The following XPO5 variants were observed in gnomAD, a reference collection of about 807,000 sequenced individuals.
XPO5 encodes the protein exportin-5.
Under a neutral mutation model 160.6 loss-of-function variants are expected in XPO5, and 46 were observed. The ratio of observed to expected loss-of-function variants is 0.29; its 90% confidence interval spans 0.23 to 0.37. XPO5 has a LOEUF of 0.37. XPO5 is among the 10% of genes least tolerant of loss of function. XPO5 has a pLI of 1.00. For missense variants in XPO5, 1,090 were observed against 1,463.9 expected (o/e 0.74, Z 4.17); for synonymous variants, 537 against 519.3 (o/e 1.03, Z -0.46).
At chr6:43,552,622 C>G (rs1096700) in intron 14 of XPO5, among the ~76,000 whole-genome samples, 132,748 of 152,266 alleles carry the variant, frequency 0.87, 58,108 homozygotes, top group African/African-American at 0.92. Flanking sequence ...CAAAGTGCTG[C>G]GATTACAGGC....
chr6:43,526,041 G>T, intron 27 of XPO5, 120 bp from the exon 28 acceptor site: 3 of 1,078,850 alleles, frequency 2.8e-6, no homozygotes, highest in Non-Finnish European at 2.7e-6. Context: ...TGGTGGCTAA[G>T]TAGTACTAGG....
At chr6:43,540,082 C>T (rs1011516235) in intron 20 of XPO5, among the ~76,000 whole-genome samples, 2 of 152,130 alleles carry the variant, frequency 1.3e-5, no homozygotes, top group Non-Finnish European at 2.9e-5. Flanking sequence ...ATGATGAAAC[C>T]CTGTCTCTAC....
At chr6:43,572,854 T>C (rs555762108) in intron 2 of XPO5, among the ~76,000 whole-genome samples, 2 of 152,354 alleles carry the variant, frequency 1.3e-5, no homozygotes, top group South Asian at 2.1e-4. Context: ...CATGATTTTA[T>C]TGATGGGCCA....
At chr6:43,539,759 T>G (rs1794586071) in intron 20 of XPO5, 1 of 595,504 alleles carries the variant, frequency 1.7e-6, no homozygotes, top group African/African-American at 1.9e-5. Flanking sequence ...ATAGTTTGTC[T>G]AAGAGATAAA....
intron 20 of XPO5, among the ~76,000 whole-genome samples, chr6:43,538,404 C>A (rs545662099): frequency 2.0e-5 from 3 of 151,928 alleles, no homozygotes; most frequent in African/African-American, 7.3e-5. Flanking sequence ...CCTGCCTCGG[C>A]CTCCCAAACT....
chr6:43,525,818 T>TCA, intron 28 of XPO5, 21 bp downstream of exon 28: 1 of 1,613,248 alleles, frequency 6.2e-7, no homozygotes, highest in South Asian at 1.1e-5. Context: ...AGTAAAGGTA[T>TCA]CACCTGCTCC....
At chr6:43,572,128 A>G (rs1014155555) in intron 3 of XPO5, among the ~76,000 whole-genome samples, 1 of 152,212 alleles carries the variant, frequency 6.6e-6, no homozygotes, top group Admixed American at 6.5e-5. Flanking sequence ...CACAGGCTGG[A>G]GTGCCATGGC....
chr6:43,542,852 A>T (rs1216460762), intron 20 of XPO5, among the ~76,000 whole-genome samples: 1 of 152,212 alleles, frequency 6.6e-6, no homozygotes, highest in Non-Finnish European at 1.5e-5. Context: ...TAAGCTAGGA[A>T]TTCTACTCCT....
In XPO5 at chr6:43,523,919, C is replaced by T. The variant is rs762491983; in HGVS notation, c.3564G>A (p.Thr1188=). The change falls in exon 32 of 32, where the codon ACG becomes ACA. Residue 1188 remains threonine (T), a synonymous_variant. Transcript: ENST00000265351. ...LFKKTKPMLE[T]EVLDNDGGGL... ...CACCCCCATCATTGTCCAGCACCTC[C>T]GTCTCCAGCATTGGCTTTGTTTTTT... The T allele has an allele frequency of 1.2e-5, 20 of 1,613,942 alleles. No individual in the cohort carries two copies. The highest frequency in any genetic ancestry group is 1.1e-4 in the East Asian group (5 of 44,894).
chr6:43,560,089 G>T, intron 11 of XPO5, 89 bp downstream of exon 11: 3 of 1,473,846 alleles, frequency 2.0e-6, no homozygotes, highest in East Asian at 2.4e-5. Context: ...ATAGAGCTGG[G>T]ATTATAGGCG....
At chr6:43,542,476 C>T (rs1261430130) in intron 20 of XPO5, among the ~76,000 whole-genome samples, 4 of 151,994 alleles carry the variant, frequency 2.6e-5, no homozygotes, top group Non-Finnish European at 4.4e-5. Flanking sequence ...GTAACATGAT[C>T]TCAGCTCACT....
intron 11 of XPO5, chr6:43,558,984 A>G (rs984859424): frequency 4.4e-5 from 7 of 160,910 alleles, no homozygotes; most frequent in African/African-American, 7.2e-5. Context: ...AAAAGAATTG[A>G]AGACCATGGC....
chr6:43,558,465 G>T, intron 12 of XPO5, 36 bp downstream of exon 12: 1 of 1,533,734 alleles, frequency 6.5e-7, no homozygotes, highest in Non-Finnish European at 8.8e-7. Flanking sequence ...GCCATTCTGA[G>T]ACTGTTGAGA....
rs764721782 is a variant in XPO5 at position 43,558,529 on chromosome 6, G to A, written c.1284C>T (p.Ser428=). The A allele has an allele frequency of 2.7e-5, 43 of 1,603,908 alleles. No homozygotes were observed. The highest frequency in any genetic ancestry group is 1.6e-4 in the Middle Eastern group (1 of 6,076). The change falls in exon 12 of 32, where the codon AGC becomes AGT. Residue 428 remains serine, a synonymous_variant. Coordinates refer to ENST00000265351, the MANE Select transcript of XPO5 (RefSeq NM_020750.3). ...TGAAGAAAGCATTGAAGTCCTCATC[G>A]CTATCAAAATCAAACCGAGAATATT... The part of the protein sequence containing the change: ...SCEYSRFDFD[S]DEDFNAFFNS...
Position 43,555,927 on chromosome 6 carries a change from T to C in XPO5, c.1350A>G (p.Ala450=), listed in dbSNP as rs371905920. The change falls in exon 13 of 32, where the codon GCA becomes GCG. Residue 450 remains alanine, a synonymous_variant. Transcript: ENST00000265351. ...RAQQGEVMRL[A]CRLDPKTSFQ... is the part of the protein sequence containing the mutation. ...AGCTAGTTTTGGGATCCAAACGACATGCCAACCTCATCACCTCTCCTTGTT... is the reference window on the plus strand; with the variant it reads ...AGCTAGTTTTGGGATCCAAACGACACGCCAACCTCATCACCTCTCCTTGTT... 4.8e-5 allele frequency: 77 copies of C among 1,613,858 alleles called. No homozygotes were observed. The highest frequency in any genetic ancestry group is 6.4e-5 in the Non-Finnish European group (76 of 1,179,894).
intron 26 of XPO5, 157 bp downstream of exon 26, chr6:43,527,477 T>G (rs990323782): frequency 3.0e-6 from 2 of 665,670 alleles, no homozygotes; most frequent in Non-Finnish European, 5.1e-6. Context: ...TTTCACCATG[T>G]TGGCCAGGAT....
intron 22 of XPO5, 56 bp downstream of exon 22, chr6:43,531,423 T>C: frequency 6.6e-7 from 1 of 1,521,346 alleles, no homozygotes; most frequent in Non-Finnish European, 9.1e-7. Flanking sequence ...CCATGGACAT[T>C]CCTATACAAT....
chr6:43,560,769 A>T (rs963113742), intron 10 of XPO5, among the ~76,000 whole-genome samples, 155 bp downstream of exon 10: 1 of 152,192 alleles, frequency 6.6e-6, no homozygotes, highest in Non-Finnish European at 1.5e-5. Flanking sequence ...CAGGAAGAAG[A>T]GCCAATAATT....
At chr6:43,566,718 G>C in intron 7 of XPO5, 8 of 297,768 alleles carry the variant, frequency 2.7e-5, no homozygotes, top group South Asian at 2.1e-4. Context: ...GCTGAGGCAG[G>C]AGAATCGCTT....
Sources: allele counts gnomAD v4.1 joint callset (sites outside exome capture counted in the v4.1 genomes callset), GRCh38; gene constraint gnomAD v4.1.1; transcripts MANE v1.5; gene names NCBI Gene and HGNC (gene_info 2026-07-23, HGNC 2026-07-21).